Variants in BDNF observed in about 807,000 individuals in gnomAD.
BDNF encodes neurotrophic factor BDNF precursor form.
In BDNF, 1 loss-of-function variant was observed where a neutral mutation model predicts 19.5. That is an observed-to-expected ratio of 0.05 (90% CI 0.02 to 0.24). The LOEUF is 0.24. BDNF is among the 10% of genes least tolerant of loss of function. The pLI is 1.00. For missense variants in BDNF, 195 were observed against 317.6 expected (o/e 0.61, Z 2.93); for synonymous variants, 100 against 121.6 (o/e 0.82, Z 1.17).
At chr11:27,719,493 A>G (rs1860663864) in intron 1 of BDNF, 8 of 984,910 alleles carry the variant, frequency 8.1e-6, no homozygotes, top group African/African-American at 1.8e-5. Context: ...TCCCTGAGTT[A>G]CCCCGACTGA....
intron 1 of BDNF, among the ~76,000 whole-genome samples, chr11:27,717,040 T>G (rs1167892052): frequency 6.6e-6 from 1 of 152,172 alleles, no homozygotes; most frequent in African/African-American, 2.4e-5. Context: ...TGTTTCTTAC[T>G]AAAGCTTCCC....
chr11:27,661,871 T>C (rs1417882999), intron 1 of BDNF, among the ~76,000 whole-genome samples: 1 of 152,212 alleles, frequency 6.6e-6, no homozygotes, highest in Non-Finnish European at 1.5e-5. Flanking sequence ...AAATCTTGCT[T>C]ATCCTTCATG....
intron 1 of BDNF, among the ~76,000 whole-genome samples, chr11:27,685,153 A>C (rs1294341752): frequency 6.6e-6 from 1 of 152,094 alleles, no homozygotes; most frequent in African/African-American, 2.4e-5. Flanking sequence ...GAATTTATTC[A>C]TTTCTTCTAG....
At chr11:27,716,440 TACACACACACACACAGACAC>T (rs1322581829) in intron 1 of BDNF, among the ~76,000 whole-genome samples, 2 of 86,474 alleles carry the variant, frequency 2.3e-5, no homozygotes, top group African/African-American at 7.8e-5. Context: ...CACACGCCCA[TACACACACACACACAGACAC>T]ACACACACAC....
chr11:27,699,045 T>C (rs1323404709), intron 1 of BDNF, among the ~76,000 whole-genome samples: 1 of 151,278 alleles, frequency 6.6e-6, no homozygotes, highest in Non-Finnish European at 1.5e-5. Flanking sequence ...TCCTACCAGC[T>C]CTCTAAGGGA....
chr11:27,713,972 T>G (rs528662410), intron 1 of BDNF, among the ~76,000 whole-genome samples: 13 of 152,370 alleles, frequency 8.5e-5, no homozygotes, highest in African/African-American at 3.1e-4. Flanking sequence ...TTGTAATACA[T>G]TTTGCCATTT....
chr11:27,686,342 C>G (rs1186988641), intron 1 of BDNF, among the ~76,000 whole-genome samples: 1 of 152,120 alleles, frequency 6.6e-6, no homozygotes, highest in Non-Finnish European at 1.5e-5. Context: ...GGTCTTGACT[C>G]TTTATCCAAT....
chr11:27,717,860 AGTGTGTGTGT>A (rs56730757), intron 1 of BDNF, among the ~76,000 whole-genome samples: 5 of 147,452 alleles, frequency 3.4e-5, no homozygotes, highest in African/African-American at 7.5e-5. Context: ...TTACAAGTTG[AGTGTGTGTGT>A]GTGTGTGTGT....
At chr11:27,704,073 G>C (rs748755441), upstream of BDNF, among the ~76,000 whole-genome samples, 67 of 152,168 alleles carry the variant, frequency 4.4e-4, no homozygotes, top group Non-Finnish European at 8.5e-4. Context: ...ATGATGCTGA[G>C]AATATAGAGC....
chr11:27,674,470 C>T, intron 1 of BDNF: 2 of 1,413,452 alleles, frequency 1.4e-6, no homozygotes, highest in Non-Finnish European at 1.8e-6. Flanking sequence ...TTCATTTCAA[C>T]AGCACGAGTA....
intron 1 of BDNF, among the ~76,000 whole-genome samples, chr11:27,668,718 T>C (rs1356291172): frequency 6.6e-6 from 1 of 151,914 alleles, no homozygotes; most frequent in Non-Finnish European, 1.5e-5. Context: ...CAGGAAGAAG[T>C]TGAATCTCTT....
intron 1 of BDNF, among the ~76,000 whole-genome samples, chr11:27,697,130 C>T (rs1480872035): frequency 6.8e-6 from 1 of 146,524 alleles, no homozygotes; most frequent in Non-Finnish European, 1.5e-5. Flanking sequence ...TCTACACACA[C>T]GCGCACGTGC....
Position 27,657,369 on chromosome 11 carries a change from G to T in BDNF, c.*452C>A. On this transcript the variant is annotated 3_prime_UTR_variant, in exon 2 of 2. Coordinates refer to ENST00000356660, the MANE Select transcript of BDNF (RefSeq NM_001709.5). The surrounding 1 kb of genome is among the most constrained non-coding windows in gnomAD (Gnocchi z 5.0). Reference sequence around the variant, plus strand: ...CCAACGCTATCAGAAGTTAAAAGCAGTAAAACAGATATAGTACTAACAAGA... The same window carrying T: ...CCAACGCTATCAGAAGTTAAAAGCATTAAAACAGATATAGTACTAACAAGA... 2.0e-5 allele frequency: 20 copies of T among 1,003,806 alleles called. No individual in the cohort carries two copies. Among genetic ancestry groups the T allele is most frequent in the Non-Finnish European group, 2.4e-5 (20 of 840,602 alleles). The allele number at this position is 1,003,806 out of a possible 1,614,324, so 62.2% of individuals were successfully genotyped here. A position where few individuals can be genotyped will look rare whatever the true frequency, so the allele number is the denominator to read the frequency against.
At chr11:27,680,843 AT>A (rs1292564989) in intron 1 of BDNF, among the ~76,000 whole-genome samples, 4 of 152,184 alleles carry the variant, frequency 2.6e-5, no homozygotes, top group Admixed American at 2.0e-4. Flanking sequence ...CTGGTAATCA[AT>A]TATCTTCCTT....
At chr11:27,719,291 C>T (rs10835216) in intron 1 of BDNF, among the ~76,000 whole-genome samples, 151,968 of 152,306 alleles carry the variant, frequency 1, 75,817 homozygotes, top group Middle Eastern at 1. Flanking sequence ...CCTCCACCGG[C>T]GCCTCCGGAC....
intron 1 of BDNF, among the ~76,000 whole-genome samples, chr11:27,671,488 C>G (rs1855371108): frequency 6.6e-6 from 1 of 151,994 alleles, no homozygotes; most frequent in South Asian, 2.1e-4. Flanking sequence ...AATACACAGA[C>G]TTTTGAATTT....
At chr11:27,674,019 T>C (rs1186907179) in intron 1 of BDNF, 1 of 1,502,938 alleles carries the variant, frequency 6.7e-7, no homozygotes, top group Non-Finnish European at 8.9e-7. Flanking sequence ...GGGGGAAAGA[T>C]AAAATTAGCA....
At chr11:27,663,920 C>CAAA (rs1853877772) in intron 1 of BDNF, among the ~76,000 whole-genome samples, 2 of 151,866 alleles carry the variant, frequency 1.3e-5, no homozygotes, top group South Asian at 4.1e-4. Context: ...AAATTTCAGA[C>CAAA]AATGTGGTCT....
intron 1 of BDNF, among the ~76,000 whole-genome samples, chr11:27,696,757 C>T (rs559126108): frequency 1.5e-4 from 23 of 152,260 alleles, no homozygotes; most frequent in African/African-American, 5.5e-4. Context: ...GTTGGATAGG[C>T]GAGACCCCTC....
Sources: allele counts gnomAD v4.1 joint callset (sites outside exome capture counted in the v4.1 genomes callset), GRCh38; gene constraint gnomAD v4.1.1; non-coding constraint Gnocchi (gnomAD v3.1); transcripts MANE v1.5; gene names NCBI Gene and HGNC (gene_info 2026-07-23, HGNC 2026-07-21).